Variants in HSD17B3 observed in about 807,000 individuals in gnomAD.
The protein encoded by HSD17B3 is hydroxysteroid 17-beta dehydrogenase 3, also known as 17-beta-hydroxysteroid dehydrogenase type 3.
In HSD17B3, 29 loss-of-function variants were observed where a neutral mutation model predicts 41.1. That is an observed-to-expected ratio of 0.71 (90% CI 0.53 to 0.96). The LOEUF (loss-of-function observed/expected upper bound fraction) is 0.96. Among genes scored for constraint, HSD17B3 ranks in the 40% least tolerant of loss-of-function variants. The probability of loss-of-function intolerance (pLI) is 0.00; values close to 1 mark genes in which losing one functional copy is unlikely to be tolerated. For missense variants in HSD17B3, 323 were observed against 374.6 expected (o/e 0.86, Z 1.14); for synonymous variants, 126 against 145.6 (o/e 0.87, Z 0.97).
In HSD17B3 at chr9:96,297,567, G is replaced by A. The variant is rs568642983; in HGVS notation, c.201+849C>T. Among the ~76,000 whole-genome samples the A allele has an allele frequency of 4.0e-5, 6 of 151,864 alleles. No individual in the cohort carries two copies. In the East Asian group the frequency reaches 9.7e-4, roughly 25 times the overall value. ...TCACCATGTTGGCCAGGCTGGTCTC[G>A]AACTCCTGACCTCAGGTGATCCACC... On this transcript the variant is annotated intron_variant, in intron 2 of 10. Coordinates refer to ENST00000375263, the MANE Select transcript of HSD17B3 (RefSeq NM_000197.2).
intron 2 of HSD17B3, among the ~76,000 whole-genome samples, chr9:96,277,965 G>T (rs1251626796): frequency 1.3e-5 from 2 of 152,110 alleles, no homozygotes; most frequent in Non-Finnish European, 2.9e-5. Context: ...AGGAGATTAT[G>T]CTAAGTGAAA....
rs869145717 is a variant in HSD17B3, at chr9:96,255,367, C to CTTTTTT, written c.202-430_202-425dup. Among the ~76,000 whole-genome samples, 150 of 54,560 alleles carry CTTTTTT rather than the reference C, an allele frequency of 2.7e-3. 26 individuals are homozygous for CTTTTTT. Among genetic ancestry groups the CTTTTTT allele is most frequent in the Non-Finnish European group, 3.7e-3 (110 of 29,468 alleles). 35.8% of individuals were successfully genotyped at this position (54,560 alleles called of 152,430 possible). A position where few individuals can be genotyped will look rare whatever the true frequency, so the allele number is the denominator to read the frequency against. ...AAGCAGTGTTTCTGCCCCAACATTT[C>CTTTTTT]TTTTTTTTTTTTTTTTTTTTTTTTT... On this transcript the variant is annotated intron_variant, in intron 2 of 10. Coordinates refer to ENST00000375263, the MANE Select transcript of HSD17B3 (RefSeq NM_000197.2).
intron 2 of HSD17B3, among the ~76,000 whole-genome samples, chr9:96,276,867 A>G (rs1293723307): frequency 6.6e-6 from 1 of 152,182 alleles, no homozygotes; most frequent in Non-Finnish European, 1.5e-5. Context: ...TAGATATGAC[A>G]CTGAAAGCAC....
Position 96,283,885 on chromosome 9 carries a change from G to A in HSD17B3, c.201+14531C>T, listed in dbSNP as rs114581017. On this transcript the variant is annotated intron_variant, in intron 2 of 10. Coordinates refer to ENST00000375263, the MANE Select transcript of HSD17B3 (RefSeq NM_000197.2). ...TCTCGTGAAGAGCTGAAATGTTCAT[G>A]AATATCAAGCAGAACAGCAGTTAAC... Among the ~76,000 whole-genome samples, 510 of 152,134 alleles carry A rather than the reference G, an allele frequency of 3.4e-3. 7 individuals carry two copies. Among genetic ancestry groups the A allele is most frequent in the African/African-American group, 0.011 (460 of 41,516 alleles).
chr9:96,255,257 G>A (rs1186465180), intron 2 of HSD17B3, among the ~76,000 whole-genome samples: 1 of 151,648 alleles, frequency 6.6e-6, no homozygotes, highest in East Asian at 1.9e-4. Flanking sequence ...AAATTCATGG[G>A]CTCAGCTATG....
intron 10 of HSD17B3, among the ~76,000 whole-genome samples, chr9:96,237,268 A>G (rs1352057765): frequency 1.3e-5 from 2 of 152,096 alleles, no homozygotes; most frequent in Admixed American, 1.3e-4. Context: ...TTCCATCTCC[A>G]TCTTTGTCTA....
At chr9:96,284,669 T>C (rs1361588844) in intron 2 of HSD17B3, among the ~76,000 whole-genome samples, 3 of 152,158 alleles carry the variant, frequency 2.0e-5, no homozygotes, top group Non-Finnish European at 2.9e-5. Flanking sequence ...CCATAGTAAG[T>C]AAAGAATATC....
intron 1 of HSD17B3, among the ~76,000 whole-genome samples, chr9:96,300,306 C>A (rs1293304608): frequency 3.0e-5 from 3 of 101,170 alleles, no homozygotes; most frequent in African/African-American, 3.3e-5. Context: ...TCATCCCAAA[C>A]AATTTCTCAC....
At position 96,245,905 on chromosome 9, in the gene HSD17B3, C is replaced by T. The variant is rs79504051; in HGVS notation, c.525-479G>A. Among the ~76,000 whole-genome samples the T allele has an allele frequency of 1.1e-4, 17 of 152,282 alleles. No homozygotes were observed. In the East Asian group the frequency reaches 2.9e-3, roughly 26 times the overall value. ...AGTACAGGACCTGCTCACACAGATA[C>T]CCTATGCAAGTCTCCAGGAGCCTTA... On this transcript the variant is annotated intron_variant, in intron 7 of 10. Coordinates refer to ENST00000375263, the MANE Select transcript of HSD17B3 (RefSeq NM_000197.2).
At position 96,235,487 on chromosome 9, in the gene HSD17B3, G is replaced by A. The variant is rs1836198053; in HGVS notation, c.906C>T (p.Tyr302=). The change falls in exon 11 of 11, where the codon TAC becomes TAT. Residue 302 remains tyrosine, a synonymous_variant. Transcript: ENST00000375263. ...ACCTGACCTTGGTGTTGAGCTTCAG[G>A]TATGCCACATAGTGTGTCAGGAGCA... ...QRLLLTHYVA[Y]LKLNTKVR The A allele has an allele frequency of 6.2e-7, 1 of 1,613,884 alleles. No homozygotes were observed. The highest frequency in any genetic ancestry group is 1.7e-5 in the Admixed American group (1 of 59,996).
At chr9:96,236,531 A>ATAAG (rs1458323524) in intron 10 of HSD17B3, among the ~76,000 whole-genome samples, 1 of 150,778 alleles carries the variant, frequency 6.6e-6, no homozygotes, top group African/African-American at 2.4e-5. Flanking sequence ...AAATAAATAA[A>ATAAG]TAAATAAATA....
At chr9:96,238,872 C>T (rs1836326448) in intron 10 of HSD17B3, among the ~76,000 whole-genome samples, 1 of 152,224 alleles carries the variant, frequency 6.6e-6, no homozygotes, top group Non-Finnish European at 1.5e-5. Context: ...ATGGCCCCCA[C>T]TCCTCTGCAG....
intron 2 of HSD17B3, among the ~76,000 whole-genome samples, chr9:96,271,384 A>G (rs1011215158): frequency 6.6e-6 from 1 of 152,192 alleles, no homozygotes; most frequent in Admixed American, 6.5e-5. Context: ...ATTTAATTCT[A>G]ATAATAAATT....
chr9:96,296,477 T>C (rs1188429410), intron 2 of HSD17B3, among the ~76,000 whole-genome samples: 4 of 152,160 alleles, frequency 2.6e-5, no homozygotes, highest in Non-Finnish European at 4.4e-5. Context: ...CTGAAGCTGA[T>C]GAAGACCACA....
At chr9:96,241,973 G>GAAAGA (rs1208306001) in intron 9 of HSD17B3, among the ~76,000 whole-genome samples, 2 of 109,600 alleles carry the variant, frequency 1.8e-5, no homozygotes, top group African/African-American at 7.6e-5. Context: ...AAGAAAGAAA[G>GAAAGA]AAAGAAAGAA....
At chr9:96,252,997 C>A in intron 3 of HSD17B3, 87 bp from the exon 4 acceptor site, 10 of 830,386 alleles carry the variant, frequency 1.2e-5, no homozygotes, top group Non-Finnish European at 1.9e-5. Flanking sequence ...CCTGTATTAC[C>A]TGAGCAGACA....
At chr9:96,275,900 A>T (rs553113168) in intron 2 of HSD17B3, among the ~76,000 whole-genome samples, 1 of 152,042 alleles carries the variant, frequency 6.6e-6, no homozygotes, top group Non-Finnish European at 1.5e-5. Flanking sequence ...CTCACCTATC[A>T]ATAATTATAT....
At chr9:96,285,603 G>C (rs1039630370) in intron 2 of HSD17B3, among the ~76,000 whole-genome samples, 11 of 152,144 alleles carry the variant, frequency 7.2e-5, no homozygotes, top group Admixed American at 4.6e-4. Context: ...TATTGCAGTT[G>C]TACTCTTTGT....
intron 4 of HSD17B3, among the ~76,000 whole-genome samples, chr9:96,252,491 C>T (rs887411779): frequency 2.0e-5 from 3 of 148,366 alleles, no homozygotes; most frequent in South Asian, 2.1e-4. Context: ...TGCAGTGAGC[C>T]GGGATCACAC....
Sources: allele counts gnomAD v4.1 joint callset (sites outside exome capture counted in the v4.1 genomes callset), GRCh38; gene constraint gnomAD v4.1.1; transcripts MANE v1.5; gene names NCBI Gene and HGNC (gene_info 2026-07-23, HGNC 2026-07-21).